The following SPATA6 variants were observed in gnomAD, a reference collection of about 807,000 sequenced individuals.
SPATA6 encodes the protein spermatogenesis associated 6.
In SPATA6, 56 loss-of-function variants were observed where a neutral mutation model predicts 65.3. The observed-to-expected ratio is 0.86, with a 90% CI of 0.69 to 1.07. The LOEUF (loss-of-function observed/expected upper bound fraction) is 1.07. Ranked by LOEUF, SPATA6 falls within the 50% of genes least tolerant of loss-of-function variation. The probability of loss-of-function intolerance (pLI) is 0.00; values close to 1 mark genes in which losing one functional copy is unlikely to be tolerated. For missense variants in SPATA6, 590 were observed against 594.8 expected (o/e 0.99, Z 0.08); for synonymous variants, 199 against 213.2 (o/e 0.93, Z 0.58).
chr1:48,360,675 T>A (rs550601132), intron 9 of SPATA6, among the ~76,000 whole-genome samples: 3 of 152,154 alleles, frequency 2.0e-5, no homozygotes, highest in Non-Finnish European at 4.4e-5. Context: ...TGTCCTGACT[T>A]TTTCCTTCTA....
chr1:48,451,473 T>C, intron 3 of SPATA6, 79 bp downstream of exon 3: 1 of 1,397,276 alleles, frequency 7.2e-7, no homozygotes, highest in Non-Finnish European at 9.8e-7. Flanking sequence ...AACTTTTATT[T>C]AACCCAAGAT....
intron 8 of SPATA6, among the ~76,000 whole-genome samples, chr1:48,387,231 T>C (rs1238672196): frequency 2.0e-5 from 3 of 151,994 alleles, no homozygotes; most frequent in Admixed American, 6.6e-5. Context: ...TTCAATTGCC[T>C]CCCACCAGGC....
intron 3 of SPATA6, among the ~76,000 whole-genome samples, chr1:48,418,861 G>A (rs947405050): frequency 2.1e-5 from 3 of 144,814 alleles, no homozygotes; most frequent in African/African-American, 5.1e-5. Flanking sequence ...GAGGGGAGGG[G>A]AAGGAGAGGG....
intron 11 of SPATA6, among the ~76,000 whole-genome samples, chr1:48,349,500 G>C (rs1161744446): frequency 1.3e-5 from 2 of 151,820 alleles, no homozygotes; most frequent in South Asian, 2.1e-4. Context: ...ACAACATCAT[G>C]CTTTTTTCTT....
At chr1:48,401,050 CTTGGATTTAATAAA>C in intron 6 of SPATA6, 1 of 198,106 alleles carries the variant, frequency 5.0e-6, no homozygotes, top group Non-Finnish European at 1.0e-5. Flanking sequence ...TCTACTCCAT[CTTGGATTTAATAAA>C]TATGCAGATC....
At chr1:48,349,535 C>T (rs1375837970) in intron 11 of SPATA6, among the ~76,000 whole-genome samples, 3 of 151,816 alleles carry the variant, frequency 2.0e-5, no homozygotes, top group Non-Finnish European at 4.4e-5. Context: ...GTAAAGTTAA[C>T]TCTGATGTAC....
intron 10 of SPATA6, among the ~76,000 whole-genome samples, chr1:48,358,705 T>C (rs1199482559): frequency 3.3e-5 from 5 of 152,294 alleles, no homozygotes; most frequent in African/African-American, 4.8e-5. Context: ...TGCGCACCTA[T>C]GTTAACGATT....
Position 48,355,786 on chromosome 1 carries a change from A to C in SPATA6, c.1095-17T>G, listed in dbSNP as rs369143304. The C allele has an allele frequency of 1.4e-4, 217 of 1,598,364 alleles. No individual in the cohort carries two copies. Among genetic ancestry groups the C allele is most frequent in the Non-Finnish European group, 1.3e-4 (150 of 1,169,164 alleles). ...GAATGAAATCTGTAGGCAAAAAATA[A>C]GTTTTATTTTTGTTACTAAAATCAG... On this transcript the variant is annotated splice_polypyrimidine_tract_variant and intron_variant, in intron 10 of 12. Coordinates refer to ENST00000371847, the MANE Select transcript of SPATA6 (RefSeq NM_019073.4).
chr1:48,405,747 T>C (rs1651641428), intron 5 of SPATA6, among the ~76,000 whole-genome samples: 1 of 152,094 alleles, frequency 6.6e-6, no homozygotes, highest in African/African-American at 2.4e-5. Flanking sequence ...ACTCACTAAG[T>C]ATAATCCAAA....
chr1:48,445,992 C>T (rs571145617), intron 3 of SPATA6, among the ~76,000 whole-genome samples: 1 of 152,048 alleles, frequency 6.6e-6, no homozygotes, highest in Middle Eastern at 3.4e-3. Flanking sequence ...ACGCTAGGTC[C>T]AATTAGGAGA....
chr1:48,309,334 G>GTT (rs1645141552), intron 11 of SPATA6, among the ~76,000 whole-genome samples: 1 of 151,574 alleles, frequency 6.6e-6, no homozygotes, highest in Non-Finnish European at 1.5e-5. Flanking sequence ...CATTTGACTT[G>GTT]TCTTCAAGTC....
At chr1:48,293,831 C>T (rs531268349), downstream of SPATA6, among the ~76,000 whole-genome samples, 72 of 152,294 alleles carry the variant, frequency 4.7e-4, no homozygotes, top group Non-Finnish European at 7.8e-4. Context: ...TATACACACA[C>T]AAACTTTGAT....
chr1:48,446,671 T>C (rs926113539), intron 3 of SPATA6, among the ~76,000 whole-genome samples: 6 of 152,196 alleles, frequency 3.9e-5, no homozygotes, highest in Non-Finnish European at 1.5e-5. Flanking sequence ...CATCAGATTA[T>C]ATGAAGCAAA....
intron 9 of SPATA6, among the ~76,000 whole-genome samples, chr1:48,365,082 C>T (rs1470180620): frequency 2.6e-5 from 4 of 152,184 alleles, no homozygotes; most frequent in Non-Finnish European, 5.9e-5. Context: ...TTGTTTTTCT[C>T]AGGTTTGTCA....
intron 8 of SPATA6, among the ~76,000 whole-genome samples, chr1:48,386,803 T>C (rs548603383): frequency 6.6e-6 from 1 of 152,280 alleles, no homozygotes; most frequent in South Asian, 2.1e-4. Flanking sequence ...GGGTCCTTCA[T>C]GTTCCCTGAC....
intron 6 of SPATA6, among the ~76,000 whole-genome samples, chr1:48,399,935 T>C (rs1650999938): frequency 7.3e-6 from 1 of 137,534 alleles, no homozygotes; most frequent in African/African-American, 2.7e-5. Context: ...AGAAACAAAG[T>C]CAAAAAAATT....
chr1:48,430,452 T>C (rs1654294684), intron 3 of SPATA6, among the ~76,000 whole-genome samples: 2 of 152,090 alleles, frequency 1.3e-5, no homozygotes, highest in South Asian at 2.1e-4. Context: ...TTATTACCAC[T>C]AGACCTGTCC....
chr1:48,318,552 G>T (rs937991893), intron 11 of SPATA6, among the ~76,000 whole-genome samples: 1 of 151,964 alleles, frequency 6.6e-6, no homozygotes, highest in Non-Finnish European at 1.5e-5. Flanking sequence ...AAATACTTAG[G>T]AGTAAACTTG....
intron 7 of SPATA6, among the ~76,000 whole-genome samples, chr1:48,395,731 C>T (rs1046263153): frequency 1.9e-4 from 29 of 151,972 alleles, no homozygotes; most frequent in African/African-American, 7.0e-4. Context: ...TTAGCATGCA[C>T]ATTTTGAATT....
Sources: allele counts gnomAD v4.1 joint callset (sites outside exome capture counted in the v4.1 genomes callset), GRCh38; gene constraint gnomAD v4.1.1; transcripts MANE v1.5; gene names NCBI Gene and HGNC (gene_info 2026-07-23, HGNC 2026-07-21).